Variants in CDH4 observed in about 807,000 individuals in gnomAD.
CDH4 encodes cadherin 4.
In CDH4, 33 loss-of-function variants were observed where a neutral mutation model predicts 86.0. The observed-to-expected ratio is 0.38, with a 90% CI of 0.29 to 0.51. CDH4 has a LOEUF of 0.51. Ranked by LOEUF, CDH4 falls within the 20% of genes least tolerant of loss-of-function variation. CDH4 has a pLI of 0.86. For missense variants in CDH4, 1,114 were observed against 1,307.4 expected (o/e 0.85, Z 2.28); for synonymous variants, 555 against 549.4 (o/e 1.01, Z -0.14).
chr20:61,258,199 G>A (rs149587622), intron 2 of CDH4, among the ~76,000 whole-genome samples: 1 of 151,978 alleles, frequency 6.6e-6, no homozygotes, highest in African/African-American at 2.4e-5. Flanking sequence ...GCGCGGTGGC[G>A]GGAGCCTGTA....
chr20:61,295,798 G>C (rs545387854), intron 2 of CDH4, among the ~76,000 whole-genome samples: 1 of 152,274 alleles, frequency 6.6e-6, no homozygotes, highest in Admixed American at 6.5e-5. Flanking sequence ...GCTGCTGCCC[G>C]GCCTGTGTCC....
chr20:61,878,253 G>A (rs1242114544), intron 7 of CDH4, among the ~76,000 whole-genome samples: 3 of 152,174 alleles, frequency 2.0e-5, no homozygotes, highest in Non-Finnish European at 4.4e-5. Context: ...CCGAGCCCAA[G>A]CCTAGGAACA....
At chr20:61,896,403 T>TGGGGCG (rs1985121401) in intron 8 of CDH4, among the ~76,000 whole-genome samples, 1 of 152,170 alleles carries the variant, frequency 6.6e-6, no homozygotes, top group Non-Finnish European at 1.5e-5. Flanking sequence ...ATCCCAGGCC[T>TGGGGCG]GGGGCGCAGC....
chr20:61,920,253 C>A (rs1030617732), intron 9 of CDH4, among the ~76,000 whole-genome samples: 4 of 110,968 alleles, frequency 3.6e-5, no homozygotes, highest in Non-Finnish European at 7.4e-5. Flanking sequence ...CGTGGTGTCA[C>A]AGTGATTGCA....
chr20:61,294,733 G>T (rs1232077120), intron 2 of CDH4, among the ~76,000 whole-genome samples: 1 of 152,356 alleles, frequency 6.6e-6, no homozygotes, highest in East Asian at 1.9e-4. Context: ...GGGCCGCCCT[G>T]GGGAAAGCTG....
chr20:61,529,664 C>T (rs779957945), intron 2 of CDH4, among the ~76,000 whole-genome samples: 2 of 152,044 alleles, frequency 1.3e-5, no homozygotes, highest in Non-Finnish European at 1.5e-5. Flanking sequence ...GGGGAGAGGC[C>T]CTGTCCTGTG....
chr20:61,767,631 T>C (rs1247915847), intron 3 of CDH4, among the ~76,000 whole-genome samples: 5 of 152,192 alleles, frequency 3.3e-5, no homozygotes, highest in Admixed American at 1.3e-4. Flanking sequence ...GGGCCGCTCC[T>C]GCCCACTGTC....
intron 4 of CDH4, among the ~76,000 whole-genome samples, chr20:61,805,266 G>T (rs1302862193): frequency 6.6e-6 from 1 of 152,160 alleles, no homozygotes; most frequent in Non-Finnish European, 1.5e-5. Flanking sequence ...AGCTCCCTAA[G>T]GATCCCTGGG....
intron 14 of CDH4, 106 bp from the exon 15 acceptor site, chr20:61,933,950 G>A (rs1343120899): frequency 3.1e-6 from 4 of 1,298,860 alleles, no homozygotes; most frequent in Admixed American, 1.8e-5. Context: ...CAGGCCACAG[G>A]GCAGCAGGTG....
In CDH4 at chr20:61,377,859, G is replaced by A. The variant is rs1041232490; in HGVS notation, c.169+122922G>A. On this transcript the variant is annotated intron_variant, in intron 2 of 15. Transcript: ENST00000614565. The surrounding 1 kb of genome is among the most constrained non-coding windows in gnomAD (Gnocchi z 4.0). The stretch of plus-strand genomic sequence containing the variant: ...CTGTAGCAGAAGGGAGATCAATGCA[G>A]CCCTGCCAATTAGCGGGGAATTAGC... Among the ~76,000 whole-genome samples the A allele has an allele frequency of 4.6e-5, 7 of 152,242 alleles. No homozygotes were observed. Among genetic ancestry groups the A allele is most frequent in the Non-Finnish European group, 8.8e-5 (6 of 68,048 alleles).
chr20:61,697,366 G>A (rs1485041820), intron 2 of CDH4, among the ~76,000 whole-genome samples: 1 of 152,168 alleles, frequency 6.6e-6, no homozygotes, highest in Non-Finnish European at 1.5e-5. Flanking sequence ...TTGGGAGGCT[G>A]AGGCGGGTGG....
chr20:61,441,620 A>T (rs1170332233), intron 2 of CDH4, among the ~76,000 whole-genome samples: 1 of 152,130 alleles, frequency 6.6e-6, no homozygotes, highest in Non-Finnish European at 1.5e-5. Flanking sequence ...ATGGGATTAG[A>T]GCCTTTATAA....
At chr20:61,547,369 C>A (rs1007217246) in intron 2 of CDH4, among the ~76,000 whole-genome samples, 2 of 151,808 alleles carry the variant, frequency 1.3e-5, no homozygotes, top group African/African-American at 2.4e-5. Context: ...CCTGCCACTG[C>A]GCCCGGCTAA....
chr20:61,281,302 G>A (rs545057139), intron 2 of CDH4, among the ~76,000 whole-genome samples: 2 of 152,320 alleles, frequency 1.3e-5, no homozygotes, highest in East Asian at 1.9e-4. Context: ...AGTAGGTCAC[G>A]AAGGTGCACC....
chr20:61,386,300 C>T (rs953045829), intron 2 of CDH4, among the ~76,000 whole-genome samples: 1 of 152,174 alleles, frequency 6.6e-6, no homozygotes, highest in Non-Finnish European at 1.5e-5. Context: ...GCATGGCCTC[C>T]CTGATGCTGA....
chr20:61,254,031 G>T lies in CDH4; in HGVS notation c.58-795G>T, dbSNP rs190157475. On this transcript the variant is annotated intron_variant, in intron 1 of 15. Transcript: ENST00000614565. ...CCCCCTCCCAGAAGCTTGGTCGGAG[G>T]GCCCTGTCGTCCACCCCATCCTTCC... Among the ~76,000 whole-genome samples the T allele has an allele frequency of 7.9e-5, 12 of 152,338 alleles. No homozygotes were observed. The East Asian group carries it at 2.3e-3, about 29-fold the overall frequency.
At chr20:61,344,326 G>T (rs560013627) in intron 2 of CDH4, among the ~76,000 whole-genome samples, 1 of 152,338 alleles carries the variant, frequency 6.6e-6, no homozygotes, top group South Asian at 2.1e-4. Context: ...CCCTCAGTTT[G>T]CATGTTCATT....
intron 2 of CDH4, among the ~76,000 whole-genome samples, chr20:61,344,564 A>G (rs951318573): frequency 7.2e-5 from 11 of 152,012 alleles, no homozygotes; most frequent in African/African-American, 2.7e-4. Context: ...TATATTTGCC[A>G]TTGTTCTCAG....
chr20:61,331,618 G>GA (rs1568801064), intron 2 of CDH4, among the ~76,000 whole-genome samples: 1 of 99,136 alleles, frequency 1.0e-5, no homozygotes, highest in Admixed American at 1.1e-4. Flanking sequence ...ACCTGCCCCA[G>GA]GCCCACCTCC....
Sources: gnomAD v4.1 joint callset for allele counts (sites outside exome capture counted in the v4.1 genomes callset) on GRCh38, gnomAD v4.1.1 for gene constraint, Gnocchi (gnomAD v3.1) non-coding constraint, MANE v1.5 for transcripts, NCBI Gene and HGNC (gene_info 2026-07-23, HGNC 2026-07-21) for gene names.